NT5M: variants seen among roughly 807,000 people sequenced by gnomAD.
NT5M encodes the protein 5',3'-nucleotidase, mitochondrial, also known as 5'(3')-deoxyribonucleotidase, mitochondrial.
A neutral mutation model predicts 22.2 loss-of-function variants in NT5M; 22 were observed. That is an observed-to-expected ratio of 0.99 (90% CI 0.71 to 1.41). The LOEUF is 1.41. NT5M is among the 40% of genes most tolerant of loss of function. The pLI, the probability that NT5M is intolerant of heterozygous loss-of-function variation, is 0.00. For missense variants in NT5M, 322 were observed against 314.8 expected, an observed-to-expected ratio of 1.02 and a Z score of -0.17; for synonymous variants, 167 against 133.0, an observed-to-expected ratio of 1.26 and a Z score of -1.76.
In NT5M at chr17:17,347,007, C is replaced by T; in HGVS notation, c.*60C>T. ...TGACCTCAGGGCTCCCAGCTCGGGG[C>T]CTGTGGGGCCAGTATGCTGGTCTGG... On this transcript the variant is annotated 3_prime_UTR_variant, in exon 5 of 5. Coordinates refer to ENST00000389022, the MANE Select transcript of NT5M (RefSeq NM_020201.4). 6.3e-7 allele frequency: 1 copy of T among 1,583,820 alleles called. No individual in the cohort carries two copies.
intron 2 of NT5M, among the ~76,000 whole-genome samples, chr17:17,319,395 T>C (rs1478241346): frequency 6.6e-6 from 1 of 152,078 alleles, no homozygotes; most frequent in Non-Finnish European, 1.5e-5. Flanking sequence ...CCTGTAAATA[T>C]ACTAACATTT....
intron 3 of NT5M, among the ~76,000 whole-genome samples, chr17:17,324,913 C>T (rs1421784310): frequency 6.6e-6 from 1 of 152,182 alleles, no homozygotes; most frequent in Non-Finnish European, 1.5e-5. Flanking sequence ...GAGTATCTTA[C>T]CTGCAGCCAG....
At chr17:17,305,080 C>T (rs1490489085) in intron 1 of NT5M, among the ~76,000 whole-genome samples, 2 of 152,074 alleles carry the variant, frequency 1.3e-5, no homozygotes, top group African/African-American at 2.4e-5. Flanking sequence ...GGCGAGTGTT[C>T]ATTTATAGGC....
chr17:17,337,135 C>G (rs1239027505), intron 3 of NT5M, among the ~76,000 whole-genome samples: 2 of 152,090 alleles, frequency 1.3e-5, no homozygotes, highest in Non-Finnish European at 2.9e-5. Flanking sequence ...TGGATAAAAG[C>G]CATTTTGACT....
At chr17:17,329,199 C>T (rs2049325905) in intron 3 of NT5M, among the ~76,000 whole-genome samples, 1 of 152,122 alleles carries the variant, frequency 6.6e-6, no homozygotes, top group East Asian at 1.9e-4. Context: ...AGGATGGTCT[C>T]GATCTCCTGA....
intron 2 of NT5M, among the ~76,000 whole-genome samples, chr17:17,308,166 C>T (rs1182595806): frequency 2.0e-5 from 3 of 152,162 alleles, no homozygotes; most frequent in Non-Finnish European, 4.4e-5. Context: ...AGTAGTATTG[C>T]TTGAGATATT....
intron 2 of NT5M, among the ~76,000 whole-genome samples, chr17:17,314,450 T>C (rs1342709263): frequency 1.3e-5 from 2 of 152,192 alleles, no homozygotes; most frequent in African/African-American, 4.8e-5. Flanking sequence ...GTTAAGAATT[T>C]GGTGTGTATG....
intron 2 of NT5M, 23 bp from the exon 3 acceptor site, chr17:17,323,162 A>G (rs758144344): frequency 6.8e-6 from 11 of 1,612,118 alleles, no homozygotes; most frequent in African/African-American, 1.3e-5. Context: ...CTGCAGGCTC[A>G]ACCTCCTTTC....
intron 3 of NT5M, among the ~76,000 whole-genome samples, chr17:17,338,382 G>T (rs1316838253): frequency 6.6e-6 from 1 of 151,984 alleles, no homozygotes; most frequent in East Asian, 1.9e-4. Flanking sequence ...TAGTAGAGAT[G>T]GGGTTTCACC....
chr17:17,305,327 C>G (rs1463108983), intron 1 of NT5M, among the ~76,000 whole-genome samples: 1 of 149,322 alleles, frequency 6.7e-6, no homozygotes, highest in African/African-American at 2.5e-5. Flanking sequence ...TCCTGAGGCA[C>G]GGCTTGCTGC....
Position 17,303,574 on chromosome 17 carries a change from TGCGCGGCGGCTCTGCA to T in NT5M, c.34_49del (p.Leu12PhefsTer72). On this transcript the variant is annotated frameshift_variant, in exon 1 of 5. Coordinates refer to ENST00000389022, the MANE Select transcript of NT5M (RefSeq NM_020201.4). LOFTEE classifies it high-confidence loss of function. The stretch of plus-strand genomic sequence containing the variant: ...CCATGATCCGGCTGGGCGGCTGGTG[TGCGCGGCGGCTCTGCA>T]GCGCGGCGGTTCCCGCGGGGCGGCG... The T allele has an allele frequency of 2.7e-6, 3 of 1,131,880 alleles. No individual in the cohort carries two copies. Among genetic ancestry groups the T allele is most frequent in the Non-Finnish European group, 2.2e-6 (2 of 921,114 alleles). 70.1% of individuals were successfully genotyped at this position (1,131,880 alleles called of 1,614,324 possible).
chr17:17,336,730 T>C (rs1341334740), intron 3 of NT5M, among the ~76,000 whole-genome samples: 2 of 152,062 alleles, frequency 1.3e-5, no homozygotes, highest in Non-Finnish European at 2.9e-5. Flanking sequence ...TTTGTATTTT[T>C]AGTAGAGGTG....
At chr17:17,317,799 C>T (rs1329444866) in intron 2 of NT5M, among the ~76,000 whole-genome samples, 1 of 151,764 alleles carries the variant, frequency 6.6e-6, no homozygotes, top group Non-Finnish European at 1.5e-5. Context: ...ATCCTGTCTA[C>T]TAAAAATACA....
intron 3 of NT5M, among the ~76,000 whole-genome samples, chr17:17,342,753 G>A (rs902273683): frequency 2.0e-5 from 3 of 152,146 alleles, no homozygotes; most frequent in Non-Finnish European, 2.9e-5. Flanking sequence ...AGAAGATGCC[G>A]CCTTTGCAGT....
intron 2 of NT5M, among the ~76,000 whole-genome samples, chr17:17,316,645 G>A (rs188378844): frequency 0.013 from 1,955 of 152,116 alleles, 31 homozygotes; most frequent in Admixed American, 0.026. Context: ...CGAAGTGCTG[G>A]GATTACAGAA....
intron 3 of NT5M, among the ~76,000 whole-genome samples, chr17:17,324,881 T>A (rs879284994): frequency 1.3e-4 from 20 of 152,116 alleles, no homozygotes; most frequent in Non-Finnish European, 7.4e-5. Flanking sequence ...GGAGCACGAG[T>A]TCACTTATAC....
chr17:17,303,398 C>G lies in NT5M; in HGVS notation c.-153C>G, dbSNP rs941006999. On this transcript the variant is annotated 5_prime_UTR_variant, in exon 1 of 5. Coordinates refer to ENST00000389022, the MANE Select transcript of NT5M (RefSeq NM_020201.4). ...GCTCTGGGGCCGGTACTTGCGCGCC[C>G]GCACCCCGCGCTCCCCGCCCCGCTC... The G allele has an allele frequency of 1.1e-6, 1 of 920,170 alleles. No individual in the cohort carries two copies. 57.0% of individuals were successfully genotyped at this position (920,170 alleles called of 1,614,324 possible).
At chr17:17,330,868 G>A (rs9894669) in intron 3 of NT5M, among the ~76,000 whole-genome samples, 38,611 of 150,260 alleles carry the variant, frequency 0.26, 5,593 homozygotes, top group African/African-American at 0.39. Flanking sequence ...TCAGCCTCCC[G>A]AGTAGCTGGG....
At chr17:17,317,107 T>C (rs150825342) in intron 2 of NT5M, among the ~76,000 whole-genome samples, 1,549 of 151,022 alleles carry the variant, frequency 0.01, 26 homozygotes, top group African/African-American at 0.035. Context: ...TGGAGTGCTG[T>C]GGCATGATCT....
Sources: gnomAD v4.1 joint callset for allele counts (sites outside exome capture counted in the v4.1 genomes callset) on GRCh38, gnomAD v4.1.1 for gene constraint, MANE v1.5 for transcripts, NCBI Gene and HGNC (gene_info 2026-07-23, HGNC 2026-07-21) for gene names.